Variants in MEGF11 observed in about 807,000 individuals in gnomAD.
MEGF11 encodes the protein multiple EGF like domains 11.
A neutral mutation model predicts 146.6 loss-of-function variants in MEGF11; 126 were observed. The ratio of observed to expected loss-of-function variants is 0.86; its 90% CI spans 0.74 to 1.00. The LOEUF is 1.00. Among genes scored for constraint, MEGF11 ranks in the 50% least tolerant of loss-of-function variants. The pLI is 0.00. For missense variants in MEGF11, 1,509 were observed against 1,521.2 expected (o/e 0.99, Z 0.13); for synonymous variants, 532 against 583.4 (o/e 0.91, Z 1.27).
chr15:66,077,700 G>A (rs940056798), intron 5 of MEGF11, among the ~76,000 whole-genome samples: 1 of 152,224 alleles, frequency 6.6e-6, no homozygotes, highest in Non-Finnish European at 1.5e-5. Context: ...ATACGGGTGA[G>A]AGGGAGACAA....
At chr15:66,172,775 C>T (rs1019825467) in intron 1 of MEGF11, among the ~76,000 whole-genome samples, 2 of 152,220 alleles carry the variant, frequency 1.3e-5, no homozygotes, top group African/African-American at 4.8e-5. Context: ...CCTACGGGAA[C>T]CCTGACCAAT....
chr15:65,975,786 A>C (rs1418092407), intron 7 of MEGF11, among the ~76,000 whole-genome samples: 3 of 152,238 alleles, frequency 2.0e-5, no homozygotes, highest in African/African-American at 4.8e-5. Context: ...TGCCTTAAAC[A>C]GGGGGCACTT....
intron 5 of MEGF11, among the ~76,000 whole-genome samples, chr15:66,004,813 C>A (rs925761863): frequency 6.6e-6 from 1 of 152,210 alleles, no homozygotes; most frequent in East Asian, 1.9e-4. Context: ...ACACCCAGGG[C>A]TAGCGTATTT....
intron 24 of MEGF11, among the ~76,000 whole-genome samples, chr15:65,904,304 T>C (rs968764496): frequency 6.6e-6 from 1 of 152,204 alleles, no homozygotes; most frequent in Non-Finnish European, 1.5e-5. Context: ...AGTCACGAAA[T>C]AGAACTGTTC....
intron 2 of MEGF11, among the ~76,000 whole-genome samples, chr15:66,126,529 C>G (rs1363358808): frequency 6.6e-6 from 1 of 152,196 alleles, no homozygotes. Flanking sequence ...TTAGTGAGTA[C>G]AAATGGGGCT....
chr15:66,103,620 T>A (rs1420192330), intron 4 of MEGF11, among the ~76,000 whole-genome samples: 1 of 150,108 alleles, frequency 6.7e-6, no homozygotes, highest in East Asian at 2.0e-4. Context: ...GGAAGAGGAG[T>A]AGAATATTGT....
chr15:66,131,631 C>T (rs887804270), intron 1 of MEGF11, among the ~76,000 whole-genome samples: 2 of 152,228 alleles, frequency 1.3e-5, no homozygotes, highest in African/African-American at 4.8e-5. Context: ...GCATTCTCTA[C>T]AGCTGGGTTC....
At chr15:66,245,632 A>G (rs937980741) in intron 1 of MEGF11, among the ~76,000 whole-genome samples, 10 of 152,162 alleles carry the variant, frequency 6.6e-5, no homozygotes, top group Non-Finnish European at 1.2e-4. Flanking sequence ...CCTGTCTCCA[A>G]AAACAAACCA....
In MEGF11 at chr15:65,929,792, GGCTGCCCCATTGGCACAGGTGCA is replaced by G; in HGVS notation, c.1477_1499del (p.Cys493LeufsTer20). 6.4e-7 allele frequency: 1 copy of G among 1,565,128 alleles called. No individual in the cohort carries two copies. Among genetic ancestry groups the G allele is most frequent in the Non-Finnish European group, 8.7e-7 (1 of 1,154,848 alleles). ...AGCAGGAGCCGTCTATGGGGCTGCA[GGCTGCCCCATTGGCACAGGTGCA>G]GCTCTCGTTGCAGTTCAGGCCCCAC... On this transcript the variant is annotated frameshift_variant, in exon 12 of 26. Transcript: ENST00000395614. LOFTEE classifies it high-confidence loss of function.
At chr15:66,000,729 G>T (rs1348662576) in intron 5 of MEGF11, among the ~76,000 whole-genome samples, 2 of 152,184 alleles carry the variant, frequency 1.3e-5, no homozygotes. Context: ...AAAATGACAT[G>T]GTCCTCAGGT....
At chr15:65,911,714 A>G (rs1471031765) in intron 21 of MEGF11, among the ~76,000 whole-genome samples, 1 of 152,156 alleles carries the variant, frequency 6.6e-6, no homozygotes, top group Non-Finnish European at 1.5e-5. Context: ...CCCAGCCTAC[A>G]AGGTGGTCTA....
At chr15:66,025,136 G>A (rs996137695) in intron 5 of MEGF11, among the ~76,000 whole-genome samples, 4 of 152,368 alleles carry the variant, frequency 2.6e-5, no homozygotes, top group African/African-American at 4.8e-5. Context: ...TACAGTGACT[G>A]TGGAGTTTGT....
chr15:66,247,450 C>T (rs1373008991), intron 1 of MEGF11, among the ~76,000 whole-genome samples: 2 of 152,186 alleles, frequency 1.3e-5, no homozygotes, highest in East Asian at 3.8e-4. Context: ...AAAAACAGGG[C>T]TTAAAACGAG....
chr15:66,097,752 CAAAAAAAA>C, intron 4 of MEGF11, among the ~76,000 whole-genome samples: 1 of 138,976 alleles, frequency 7.2e-6, no homozygotes, highest in South Asian at 2.3e-4. Flanking sequence ...CAAAAAACTA[CAAAAAAAA>C]AAAAAAAAAT....
At chr15:66,205,299 G>A (rs538231360) in intron 1 of MEGF11, among the ~76,000 whole-genome samples, 64 of 152,198 alleles carry the variant, frequency 4.2e-4, no homozygotes, top group African/African-American at 1.5e-3. Flanking sequence ...AAACTTAGCC[G>A]GGCATGGTAG....
chr15:65,915,578 C>T lies in MEGF11; in HGVS notation c.2365G>A (p.Gly789Ser). 4 of 1,613,900 alleles carry T rather than the reference C, an allele frequency of 2.5e-6. No homozygotes were observed. Among genetic ancestry groups the T allele is most frequent in the Non-Finnish European group, 2.5e-6 (3 of 1,179,860 alleles). ...TCACATAGCTGCTGACACCCATAGC[C>T]AAAGGTTCCTGGGGCACATCCTGTG... ...CEQRCAPGTF[G>S]YGCQQLCECM... The change falls in exon 19 of 26, where the codon GGC (glycine) becomes AGC (serine). Residue 789 changes from glycine (G) to serine (S), a missense_variant. By Grantham distance (56) the Gly-to-Ser change is moderately conservative. Transcript: ENST00000395614.
chr15:65,932,106 C>T (rs80294440), intron 10 of MEGF11, among the ~76,000 whole-genome samples: 1,704 of 152,224 alleles, frequency 0.011, 36 homozygotes, highest in African/African-American at 0.039. Flanking sequence ...GGGAGGCGGT[C>T]GAGGCTGAGG....
At chr15:66,141,289 T>TGTGAGAGAGAGAGA (rs1555475806) in intron 1 of MEGF11, among the ~76,000 whole-genome samples, 5 of 101,198 alleles carry the variant, frequency 4.9e-5, no homozygotes, top group Admixed American at 1.1e-4. Context: ...TGTGTGTGTG[T>TGTGAGAGAGAGAGA]GAGAGAGAGA....
At chr15:66,120,425 C>G (rs1263286841) in intron 3 of MEGF11, among the ~76,000 whole-genome samples, 1 of 152,202 alleles carries the variant, frequency 6.6e-6, no homozygotes, top group Non-Finnish European at 1.5e-5. Flanking sequence ...TCCATCAGCA[C>G]CCAAGGGGAG....
Sources: gnomAD v4.1 joint callset for allele counts (sites outside exome capture counted in the v4.1 genomes callset) on GRCh38, gnomAD v4.1.1 for gene constraint, MANE v1.5 for transcripts, NCBI Gene and HGNC (gene_info 2026-07-23, HGNC 2026-07-21) for gene names.